The following GPC6 variants were observed in gnomAD, a reference collection of about 807,000 sequenced individuals.
The protein encoded by GPC6 is glypican-6.
GPC6 carries 14 observed loss-of-function variants against 55.2 expected under a neutral mutation model. The ratio of observed to expected loss-of-function variants is 0.25; its 90% confidence interval spans 0.17 to 0.40. The LOEUF (loss-of-function observed/expected upper bound fraction) is 0.40. GPC6 is among the 10% of genes least tolerant of loss of function. GPC6 has a pLI of 1.00. For missense variants in GPC6, 641 were observed against 708.5 expected, an observed-to-expected ratio of 0.90 and a Z score of 1.08; for synonymous variants, 278 against 259.6, an observed-to-expected ratio of 1.07 and a Z score of -0.68.
intron 6 of GPC6, among the ~76,000 whole-genome samples, chr13:94,344,316 T>C (rs894572962): frequency 2.6e-5 from 4 of 152,190 alleles, no homozygotes; most frequent in Admixed American, 1.3e-4. Flanking sequence ...AAGGGGAGAA[T>C]GTGAACATTC....
At chr13:94,242,162 T>C (rs1432867244) in intron 4 of GPC6, among the ~76,000 whole-genome samples, 2 of 151,242 alleles carry the variant, frequency 1.3e-5, no homozygotes, top group Non-Finnish European at 2.9e-5. Context: ...AGTGAGAACA[T>C]GCGGTGTTTG....
intron 4 of GPC6, among the ~76,000 whole-genome samples, chr13:94,264,889 A>G (rs1274297727): frequency 6.6e-6 from 1 of 152,224 alleles, no homozygotes; most frequent in Non-Finnish European, 1.5e-5. Flanking sequence ...AGCAGGCAAG[A>G]GAGAATGAGA....
chr13:93,613,109 T>G (rs1051597194), intron 2 of GPC6, among the ~76,000 whole-genome samples: 2 of 152,200 alleles, frequency 1.3e-5, no homozygotes, highest in African/African-American at 4.8e-5. Context: ...GCCAGTGATA[T>G]GTAGAAAGAG....
intron 1 of GPC6, among the ~76,000 whole-genome samples, chr13:93,479,763 TGATTTGGG>T (rs1420621436): frequency 2.0e-5 from 3 of 152,236 alleles, no homozygotes; most frequent in Admixed American, 6.5e-5. Flanking sequence ...AGCAATGTTG[TGATTTGGG>T]GATCATTATA....
chr13:93,702,419 C>T (rs576724352), intron 2 of GPC6, among the ~76,000 whole-genome samples: 1 of 151,914 alleles, frequency 6.6e-6, no homozygotes, highest in Non-Finnish European at 1.5e-5. Context: ...GTAAAGTTAG[C>T]ATCATTCTTA....
chr13:93,743,956 C>CAAAA (rs1172144641), intron 2 of GPC6, among the ~76,000 whole-genome samples: 3 of 151,968 alleles, frequency 2.0e-5, no homozygotes, highest in Non-Finnish European at 4.4e-5. Context: ...ACTGACTTTA[C>CAAAA]GTTAGTGAAA....
intron 3 of GPC6, among the ~76,000 whole-genome samples, chr13:93,858,508 G>C (rs1888699632): frequency 6.6e-6 from 1 of 151,554 alleles, no homozygotes; most frequent in Non-Finnish European, 1.5e-5. Context: ...GTAGGGAAGA[G>C]TAGAGATCCA....
intron 2 of GPC6, among the ~76,000 whole-genome samples, chr13:93,668,332 C>T (rs1380137382): frequency 6.6e-6 from 1 of 152,092 alleles, no homozygotes; most frequent in Non-Finnish European, 1.5e-5. Flanking sequence ...CTTAAACTTC[C>T]TGAAGCATGA....
At position 94,398,637 on chromosome 13, in the gene GPC6, C is replaced by T. The variant is rs1881000178; in HGVS notation, c.1461C>T (p.Asp487=). ...ATGGCAATGATGTCAATTTCCAGGA[C>T]ACAAGTAAGAAAATCCTTCCCAGCA... ...AYNGNDVNFQ[D]TSDESSGSGS... Residue 487 remains aspartate (D), a synonymous_variant, in exon 8 of 9, where the codon GAC becomes GAT. Transcript: ENST00000377047. 1.9e-6 allele frequency: 3 copies of T among 1,613,816 alleles called. No individual in the cohort carries two copies. In the East Asian group the frequency reaches 6.7e-5, roughly 36 times the overall value.
rs551926402 is a variant in GPC6 at position 94,281,438 on chromosome 13, T to C, written c.878-4911T>C. Among the ~76,000 whole-genome samples, 4 of 152,294 alleles carry C rather than the reference T, an allele frequency of 2.6e-5. No homozygotes were observed. The South Asian group carries it at 8.3e-4, about 32-fold the overall frequency. ...TGAATATCATATCATTTTTTTAAAA[T>C]GAGTTTCTCTTCTTGCTTTCTCTAA... On this transcript the variant is annotated intron_variant, in intron 4 of 8. Transcript: ENST00000377047.
At chr13:93,803,727 C>G (rs556722879) in intron 2 of GPC6, among the ~76,000 whole-genome samples, 1 of 152,060 alleles carries the variant, frequency 6.6e-6, no homozygotes, top group Non-Finnish European at 1.5e-5. Context: ...GTGGAGTAAC[C>G]GTACAGTGGA....
intron 1 of GPC6, among the ~76,000 whole-genome samples, chr13:93,347,586 C>T (rs1401213076): frequency 6.6e-6 from 1 of 152,168 alleles, no homozygotes; most frequent in Non-Finnish European, 1.5e-5. Flanking sequence ...CTTCCTATAT[C>T]ATGCCCAATC....
chr13:93,629,034 C>CGG (rs1879320239), intron 2 of GPC6, among the ~76,000 whole-genome samples: 1 of 99,976 alleles, frequency 1.0e-5, no homozygotes, highest in Non-Finnish European at 2.4e-5. Flanking sequence ...TACTTCTAGC[C>CGG]AGAAAAAAAA....
chr13:94,024,102 GACACACACACACAC>G (rs140178004), intron 3 of GPC6, among the ~76,000 whole-genome samples: 5 of 144,300 alleles, frequency 3.5e-5, no homozygotes, highest in East Asian at 4.1e-4. Flanking sequence ...ACTGTGTATA[GACACACACACACAC>G]ACACACACAC....
At chr13:93,352,762 A>T (rs553291268) in intron 1 of GPC6, among the ~76,000 whole-genome samples, 1 of 152,288 alleles carries the variant, frequency 6.6e-6, no homozygotes, top group African/African-American at 2.4e-5. Flanking sequence ...TAAATAAGAT[A>T]GCAAATCTCA....
At chr13:93,551,070 C>T (rs1875133798) in intron 2 of GPC6, among the ~76,000 whole-genome samples, 1 of 152,060 alleles carries the variant, frequency 6.6e-6, no homozygotes. Context: ...GAAGAGCTTG[C>T]AGTTCAGTAT....
chr13:93,860,922 G>T (rs569301277), intron 3 of GPC6, among the ~76,000 whole-genome samples: 2 of 151,628 alleles, frequency 1.3e-5, no homozygotes, highest in Non-Finnish European at 3.0e-5. Flanking sequence ...CATTAAAAGG[G>T]TGGGCTCAGG....
intron 4 of GPC6, among the ~76,000 whole-genome samples, chr13:94,135,779 C>G (rs992257180): frequency 6.6e-6 from 1 of 152,196 alleles, no homozygotes; most frequent in Non-Finnish European, 1.5e-5. Context: ...TAGCATGAAA[C>G]TAAGACAAAC....
intron 4 of GPC6, among the ~76,000 whole-genome samples, chr13:94,165,084 G>C (rs1018110412): frequency 6.6e-6 from 1 of 151,682 alleles, no homozygotes; most frequent in African/African-American, 2.4e-5. Context: ...ATACAAAAAA[G>C]ATAGCTGCAC....
Sources: gnomAD v4.1 joint callset for allele counts (sites outside exome capture counted in the v4.1 genomes callset) on GRCh38, gnomAD v4.1.1 for gene constraint, MANE v1.5 for transcripts, NCBI Gene and HGNC (gene_info 2026-07-23, HGNC 2026-07-21) for gene names.